RNF40: variants seen among roughly 807,000 people sequenced by gnomAD.
RNF40 encodes ring finger protein 40.
A neutral mutation model predicts 123.3 loss-of-function variants in RNF40; 39 were observed. The observed-to-expected ratio is 0.32, with a 90% confidence interval of 0.24 to 0.41. The LOEUF (loss-of-function observed/expected upper bound fraction) is 0.41, where lower values mean the gene tolerates loss of function less well. Ranked by LOEUF, RNF40 falls within the 10% of genes least tolerant of loss-of-function variation. The probability of loss-of-function intolerance (pLI) is 1.00; values close to 1 mark genes in which losing one functional copy is unlikely to be tolerated. For synonymous variants in RNF40, 538 were observed against 526.0 expected, an observed-to-expected ratio of 1.02 and a Z score of -0.31; for missense variants, 1,003 against 1,319.9, an observed-to-expected ratio of 0.76 and a Z score of 3.72.
chr16:30,769,284 G>A lies in RNF40; in HGVS notation c.2346G>A (p.Lys782=). Residue 782 remains lysine (K), a synonymous_variant, in exon 16 of 20, where the codon AAG becomes AAA. Transcript: ENST00000324685. The part of the protein sequence containing the change: ...NGRLLQQLRE[K]DDANFKLMSE... ...GGCTGCTACAGCAGTTGCGGGAAAA[G>A]GATGATGCCAACTTTAAGCTAATGT... is the stretch of plus-strand genomic sequence containing the variant. 1.2e-6 allele frequency: 2 copies of A among 1,614,242 alleles called. No individual in the cohort carries two copies. The highest frequency in any genetic ancestry group is 2.2e-5 in the South Asian group (2 of 91,086).
Position 30,768,900 on chromosome 16 carries a change from G to A in RNF40, c.2160G>A (p.Lys720=). 2 of 1,614,230 alleles carry A rather than the reference G, an allele frequency of 1.2e-6. No individual in the cohort carries two copies. The highest frequency in any genetic ancestry group is 1.7e-6 in the Non-Finnish European group (2 of 1,180,050). The stretch of plus-strand genomic sequence containing the variant: ...AGAGGGATCGAAGGGAGAGCAAGAA[G>A]ATCGCGGATGAGGATGCCCTGCGGC... ...LEERDRRESK[K]IADEDALRRI... is the part of the protein sequence containing the mutation. The change falls in exon 15 of 20, where the codon AAG becomes AAA. Residue 720 remains lysine, a synonymous_variant. Transcript: ENST00000324685. The surrounding 1 kb of genome is among the most constrained non-coding windows in gnomAD (Gnocchi z 4.1).
In RNF40 at chr16:30,762,392, C is replaced by G. The variant is rs959564504; in HGVS notation, c.-72+32C>G. ...GCTCTGGCGCCGGGGGGGACGGGAT[C>G]CAGCAGGTGTGTGCAGGGTGGAGGG... On this transcript the variant is annotated intron_variant, in intron 1 of 19. Transcript: ENST00000324685. The G allele has an allele frequency of 4.0e-6, 3 of 758,084 alleles. No individual in the cohort carries two copies. In the African/African-American group the frequency reaches 5.5e-5, roughly 14 times the overall value. 47.0% of individuals were successfully genotyped at this position (758,084 alleles called of 1,614,324 possible). A position where few individuals can be genotyped will look rare whatever the true frequency, so the allele number is the denominator to read the frequency against.
chr16:30,764,406 C>G (rs771961234), intron 5 of RNF40, 21 bp downstream of exon 5: 1 of 1,597,828 alleles, frequency 6.3e-7, no homozygotes, highest in African/African-American at 1.3e-5. Flanking sequence ...TGTGCCCATA[C>G]TGAAGGGGTG....
chr16:30,767,251 C>T (rs1002750309), intron 11 of RNF40, among the ~76,000 whole-genome samples: 3 of 152,260 alleles, frequency 2.0e-5, no homozygotes, highest in Non-Finnish European at 4.4e-5. Flanking sequence ...TGTGGAGCAA[C>T]ATTCTGATAG....
rs2054031870 is a variant in RNF40 at position 30,766,374 on chromosome 16, C to T, written c.1114-5C>T. 6.2e-7 allele frequency: 1 copy of T among 1,612,348 alleles called. No individual in the cohort carries two copies. The highest frequency in any genetic ancestry group is 8.5e-7 in the Non-Finnish European group (1 of 1,178,700). On this transcript the variant is annotated splice_region_variant and splice_polypyrimidine_tract_variant and intron_variant, in intron 9 of 19. Transcript: ENST00000324685. This position sits in a 1 kb window ranked among gnomAD's most constrained non-coding sequence, Gnocchi z 5.4. ...GCTGATCCCATTTGGGCATCCCTGC[C>T]CCAGGTGGCCCTGCGGAGCCTTCCT...
At chr16:30,762,285 G>GT (rs1567277947), upstream of RNF40, 1 of 476,560 alleles carries the variant, frequency 2.1e-6, no homozygotes, top group East Asian at 3.7e-5. Context: ...GTTGGGGGGG[G>GT]GGCAGTGGCG....
rs937612341 is a variant in RNF40 at position 30,772,130 on chromosome 16, G to T, written c.2769G>T (p.Arg923Ser). The T allele has an allele frequency of 1.3e-6, 2 of 1,555,828 alleles. No homozygotes were observed. Among genetic ancestry groups the T allele is most frequent in the African/African-American group, 2.7e-5 (2 of 73,268 alleles). The change falls in exon 19 of 20, where the codon AGG becomes AGT. Residue 923 changes from arginine (R) to serine (S), a missense_variant. Physicochemically the swap from Arg to Ser is moderately radical, Grantham distance 110. Around this residue, in one of 11 missense-constraint regions of RNF40, gnomAD observed 76 missense variants for 134.1 expected, o/e 0.57. Coordinates refer to ENST00000324685, the MANE Select transcript of RNF40 (RefSeq NM_014771.4). The part of the protein sequence containing the change: ...SRLRRKLEKQ[R>S]KVEVYADADE... ...TGCGGCGCAAGCTGGAAAAGCAGAG[G>T]AAGGTGGAGGTCTACGCAGATGCCG...
At position 30,765,113 on chromosome 16, in the gene RNF40, A is replaced by G. The variant is rs2054004123; in HGVS notation, c.771+54A>G. The G allele has an allele frequency of 1.9e-6, 3 of 1,611,480 alleles. 1 individual carries two copies. In the South Asian group the frequency reaches 3.3e-5, roughly 18 times the overall value. On this transcript the variant is annotated intron_variant, in intron 6 of 19. Coordinates refer to ENST00000324685, the MANE Select transcript of RNF40 (RefSeq NM_014771.4). ...ATTAGAATCAGGCAGGATTTGGGTT[A>G]GATGGGCACTCAGGGACCTCAGGAA...
At chr16:30,773,045 C>G (rs778030381) in intron 19 of RNF40, among the ~76,000 whole-genome samples, 1 of 152,070 alleles carries the variant, frequency 6.6e-6, no homozygotes, top group Non-Finnish European at 1.5e-5. Context: ...GTTAGGAGGC[C>G]TGCGGGGGAG....
chr16:30,764,914 C>G, intron 5 of RNF40, 24 bp from the exon 6 acceptor site: 1 of 1,607,046 alleles, frequency 6.2e-7, no homozygotes, highest in South Asian at 1.1e-5. Context: ...GAGCTGGGCT[C>G]TTACCTGGGC....
chr16:30,763,047 C>T, intron 2 of RNF40, 71 bp from the exon 3 acceptor site: 1 of 1,566,908 alleles, frequency 6.4e-7, no homozygotes, highest in East Asian at 2.3e-5. Flanking sequence ...CTCTGCTCCT[C>T]TTTCTCTCTC....
chr16:30,762,293 GCGTCCAGTGACGCCCAGTGA>G (rs1307694624), upstream of RNF40: 5 of 479,206 alleles, frequency 1.0e-5, no homozygotes, highest in Admixed American at 4.2e-5. Flanking sequence ...GGGGGCAGTG[GCGTCCAGTGACGCCCAGTGA>G]CGTCCGGTGA....
At position 30,774,178 on chromosome 16, in the gene RNF40, C is replaced by T. The variant is rs745938350; in HGVS notation, c.*64C>T. Reference sequence around the variant, plus strand: ...GGGGGCTGTGCCCCCATCTCCTCCCCACCCCAGGTCTAGTGGCCCCACCCT... The same window carrying T: ...GGGGGCTGTGCCCCCATCTCCTCCCTACCCCAGGTCTAGTGGCCCCACCCT... On this transcript the variant is annotated 3_prime_UTR_variant, in exon 20 of 20. Transcript: ENST00000324685. The T allele has an allele frequency of 1.9e-5, 29 of 1,507,140 alleles. No homozygotes were observed. Among genetic ancestry groups the T allele is most frequent in the Non-Finnish European group, 2.6e-5 (29 of 1,116,492 alleles). 93.4% of individuals were successfully genotyped at this position (1,507,140 alleles called of 1,614,324 possible). A position where few individuals can be genotyped will look rare whatever the true frequency, so the allele number is the denominator to read the frequency against.
At position 30,763,518 on chromosome 16, in the gene RNF40, A is replaced by G. The variant is rs2053941757; in HGVS notation, c.401A>G (p.Asp134Gly). The G allele has an allele frequency of 3.7e-6, 6 of 1,614,028 alleles. No individual in the cohort carries two copies. The South Asian group carries it at 5.5e-5, about 15-fold the overall frequency. ...APGTQEGPTC[D>G]GTPLPEPGTS... is the part of the protein sequence containing the mutation. ...GGGACCCAGGAGGGGCCAACATGTGATGGGACTCCTCTCCCAGAGCCGGGG... is the reference window on the plus strand; with the variant it reads ...GGGACCCAGGAGGGGCCAACATGTGGTGGGACTCCTCTCCCAGAGCCGGGG... The change falls in exon 4 of 20, where the codon GAT becomes GGT. Residue 134 changes from aspartate to glycine, a missense_variant. By Grantham distance (94) the Asp-to-Gly change is moderately conservative. This residue lies in a region of RNF40 where 104 missense variants were observed against 85.2 expected (regional missense o/e 1.22). Coordinates refer to ENST00000324685, the MANE Select transcript of RNF40 (RefSeq NM_014771.4).
At position 30,771,891 on chromosome 16, in the gene RNF40, C is replaced by T. The variant is rs140097440; in HGVS notation, c.2645C>T (p.Thr882Ile). ...DLKVQLEHVQ[T>I]RLREIQPCLA... ...AAGGTGCAGCTGGAGCACGTGCAGACTCGGCTGCGGGAGATCCAGCCCTGC... is the reference window on the plus strand; with the variant it reads ...AAGGTGCAGCTGGAGCACGTGCAGATTCGGCTGCGGGAGATCCAGCCCTGC... The change falls in exon 18 of 20, where the codon ACT becomes ATT. Residue 882 changes from threonine (T) to isoleucine (I), a missense_variant. Around this residue, in one of 11 missense-constraint regions of RNF40, gnomAD observed 121 missense variants for 125.3 expected, o/e 0.97. Transcript: ENST00000324685. 53 of 1,609,836 alleles carry T rather than the reference C, an allele frequency of 3.3e-5. No homozygotes were observed. Among genetic ancestry groups the T allele is most frequent in the Non-Finnish European group, 4.1e-5 (48 of 1,177,614 alleles).
chr16:30,770,283 T>A (rs910723169), intron 17 of RNF40, among the ~76,000 whole-genome samples: 5 of 149,928 alleles, frequency 3.3e-5, no homozygotes, highest in African/African-American at 1.2e-4. Flanking sequence ...AATTTTTGTA[T>A]TTTTTTTTAG....
In RNF40 at chr16:30,766,311, T is replaced by C. The variant is rs774115305; in HGVS notation, c.1113+29T>C. ...GGCTGCTGTAGGGGCTGAGAGGTCCTGGGCCTGTAAGGGAGGGACTGAGCC... is the reference window on the plus strand; with the variant it reads ...GGCTGCTGTAGGGGCTGAGAGGTCCCGGGCCTGTAAGGGAGGGACTGAGCC... On this transcript the variant is annotated intron_variant, in intron 9 of 19. Transcript: ENST00000324685. The surrounding 1 kb of genome is among the most constrained non-coding windows in gnomAD (Gnocchi z 5.4). The C allele has an allele frequency of 4.6e-5, 74 of 1,613,880 alleles. No individual in the cohort carries two copies. The highest frequency in any genetic ancestry group is 1.6e-4 in the South Asian group (15 of 91,078).
In RNF40 at chr16:30,766,747, G is replaced by A. The variant is rs761600982; in HGVS notation, c.1300G>A (p.Glu434Lys). Residue 434 changes from glutamate to lysine, a missense_variant, in exon 11 of 20, where the codon GAG becomes AAG. Physicochemically the swap from Glu to Lys is moderately conservative, Grantham distance 56 (BLOSUM62 1). This residue lies in a region of RNF40 where 274 missense variants were observed against 356.9 expected (regional missense o/e 0.77). Coordinates refer to ENST00000324685, the MANE Select transcript of RNF40 (RefSeq NM_014771.4). The surrounding 1 kb of genome is among the most constrained non-coding windows in gnomAD (Gnocchi z 5.4). ...LRHIEHMESD[E>K]LGLQKKLRTE... is the part of the protein sequence containing the mutation. ...TTAACACATCAACCCACAGAGCGACGAGCTGGGGCTGCAGAAGAAGCTACG... is the reference window on the plus strand; with the variant it reads ...TTAACACATCAACCCACAGAGCGACAAGCTGGGGCTGCAGAAGAAGCTACG... 1.9e-6 allele frequency: 3 copies of A among 1,614,006 alleles called. No individual in the cohort carries two copies. Among genetic ancestry groups the A allele is most frequent in the South Asian group, 1.1e-5 (1 of 91,072 alleles).
Position 30,768,133 on chromosome 16 carries a change from T to TGGG in RNF40, c.1582_1583insGGG (p.Ser528delinsTrpAla). The TGGG allele has an allele frequency of 6.2e-7, 1 of 1,607,728 alleles. No homozygotes were observed. The highest frequency in any genetic ancestry group is 8.5e-7 in the Non-Finnish European group (1 of 1,176,340). On this transcript the variant is annotated protein_altering_variant, in exon 13 of 20. Transcript: ENST00000324685. This position sits in a 1 kb window ranked among gnomAD's most constrained non-coding sequence, Gnocchi z 4.1. The stretch of plus-strand genomic sequence containing the variant: ...GGCCCAGGCCAGTGGCTCTGCCCAC[T>TGGG]CCACCCCCAACCTGGGCCACCCAGA...
Sources: allele counts gnomAD v4.1 joint callset (sites outside exome capture counted in the v4.1 genomes callset), GRCh38; gene constraint gnomAD v4.1.1; regional missense constraint gnomAD v4.1.1; non-coding constraint Gnocchi (gnomAD v3.1); transcripts MANE v1.5; gene names NCBI Gene and HGNC (gene_info 2026-07-23, HGNC 2026-07-21).